The following ADGRL2 variants were observed in gnomAD, a reference collection of about 807,000 sequenced individuals.
The protein encoded by ADGRL2 is calcium-independent alpha-latrotoxin receptor 2.
Under a neutral mutation model 157.4 loss-of-function variants are expected in ADGRL2, and 44 were observed. The ratio of observed to expected loss-of-function variants is 0.28; its 90% CI spans 0.22 to 0.36. ADGRL2 has a LOEUF of 0.36. ADGRL2 is among the 10% of genes least tolerant of loss of function. The pLI is 1.00. For missense variants in ADGRL2, 1,510 were observed against 1,768.9 expected (o/e 0.85, Z 2.63); for synonymous variants, 585 against 624.7 (o/e 0.94, Z 0.95).
rs2078853397 is a variant in ADGRL2 at position 81,501,744 on chromosome 1, C to T, written c.-248+56655C>T. 5.0e-6 allele frequency: 8 copies of T among 1,610,540 alleles called. No individual in the cohort carries two copies. The Admixed American group carries it at 5.0e-5, about 10-fold the overall frequency. ...TGTGCCCAGGTTCAGAGTCATGCCA[C>T]TCTGTGGGTGAAGCTTGAGGCAAAA... is the stretch of plus-strand genomic sequence containing the variant. On this transcript the variant is annotated intron_variant, in intron 2 of 24. Coordinates refer to the ADGRL2 transcript ENST00000370721.
At chr1:81,774,113 C>A (rs56017765) in intron 2 of ADGRL2, among the ~76,000 whole-genome samples, 1 of 151,992 alleles carries the variant, frequency 6.6e-6, no homozygotes, top group African/African-American at 2.4e-5. Flanking sequence ...GTTTAAGTCG[C>A]CCTGTCTGTG....
At chr1:81,850,947 A>C (rs777187510) in intron 2 of ADGRL2, among the ~76,000 whole-genome samples, 15 of 151,860 alleles carry the variant, frequency 9.9e-5, no homozygotes, top group South Asian at 4.1e-4. Context: ...ATTTTAAATG[A>C]TTGAGAAGCA....
chr1:81,465,326 A>G (rs2078030465), intron 2 of ADGRL2, among the ~76,000 whole-genome samples: 1 of 152,196 alleles, frequency 6.6e-6, no homozygotes, highest in African/African-American at 2.4e-5. Context: ...GAATTATATA[A>G]ATTAGATATC....
chr1:81,590,490 G>A (rs1434125124), intron 3 of ADGRL2, among the ~76,000 whole-genome samples: 1 of 151,966 alleles, frequency 6.6e-6, no homozygotes, highest in Non-Finnish European at 1.5e-5. Context: ...TGTGGCCCCT[G>A]TTAATCAGGA....
At chr1:81,798,788 G>T (rs1049877756), upstream of ADGRL2, among the ~76,000 whole-genome samples, 12 of 152,064 alleles carry the variant, frequency 7.9e-5, no homozygotes, top group African/African-American at 2.9e-4. Context: ...GCCAACATAT[G>T]GCCAGCTTAA....
intron 4 of ADGRL2, among the ~76,000 whole-genome samples, chr1:81,937,385 A>G (rs2095326064): frequency 6.6e-6 from 1 of 151,838 alleles, no homozygotes; most frequent in Admixed American, 6.6e-5. Context: ...AACCTTGCAC[A>G]TGGTTCTGTT....
intron 2 of ADGRL2, among the ~76,000 whole-genome samples, chr1:81,524,300 AG>A (rs1418406585): frequency 6.6e-6 from 1 of 152,200 alleles, no homozygotes; most frequent in African/African-American, 2.4e-5. Context: ...TGGGAGGTGG[AG>A]CTTGCAGTGA....
intron 1 of ADGRL2, among the ~76,000 whole-genome samples, chr1:81,723,710 G>A (rs190384539): frequency 2.2e-4 from 34 of 152,244 alleles, no homozygotes; most frequent in African/African-American, 7.7e-4. Context: ...CAGTATTTCA[G>A]TAGGACCTGG....
intron 2 of ADGRL2, among the ~76,000 whole-genome samples, chr1:81,531,816 T>C (rs1008709489): frequency 2.6e-5 from 4 of 152,178 alleles, no homozygotes; most frequent in Admixed American, 1.3e-4. Context: ...AACTCCAAGA[T>C]GAATTTATCA....
At chr1:81,355,147 C>CAT (rs1409669933) in intron 1 of ADGRL2, among the ~76,000 whole-genome samples, 1 of 152,060 alleles carries the variant, frequency 6.6e-6, no homozygotes, top group Non-Finnish European at 1.5e-5. Flanking sequence ...TGAAACTTGG[C>CAT]ATACTCCAGC....
At chr1:81,802,460 C>G (rs1176073936) in intron 1 of ADGRL2, among the ~76,000 whole-genome samples, 1 of 152,098 alleles carries the variant, frequency 6.6e-6, no homozygotes, top group Non-Finnish European at 1.5e-5. Flanking sequence ...CAGTCCGGTC[C>G]AGCCGGCTTC....
chr1:81,964,115 A>G (rs934456861), intron 11 of ADGRL2, among the ~76,000 whole-genome samples: 5 of 151,946 alleles, frequency 3.3e-5, no homozygotes, highest in Admixed American at 2.6e-4. Flanking sequence ...TGATCTTACT[A>G]CTTTTAATAA....
chr1:81,802,654 C>T (rs1483132230), intron 1 of ADGRL2, among the ~76,000 whole-genome samples: 1 of 151,998 alleles, frequency 6.6e-6, no homozygotes, highest in Non-Finnish European at 1.5e-5. Flanking sequence ...TGAAGCGCGT[C>T]CTCGGCGGAG....
intron 19 of ADGRL2, among the ~76,000 whole-genome samples, chr1:81,982,315 C>T (rs1262429805): frequency 1.3e-5 from 2 of 151,904 alleles, no homozygotes; most frequent in African/African-American, 4.8e-5. Flanking sequence ...AAAGGCATTA[C>T]AGTGATTCAC....
intron 1 of ADGRL2, chr1:81,722,207 G>A: frequency 2.7e-6 from 1 of 374,430 alleles, no homozygotes; most frequent in Non-Finnish European, 5.1e-6. Context: ...GCAGGAGAAT[G>A]GCATGAACCC....
intron 1 of ADGRL2, among the ~76,000 whole-genome samples, chr1:81,745,678 T>C (rs1394362448): frequency 6.6e-6 from 1 of 152,172 alleles, no homozygotes; most frequent in African/African-American, 2.4e-5. Context: ...TAAATATTAT[T>C]TATGGATTTA....
intron 2 of ADGRL2, among the ~76,000 whole-genome samples, chr1:81,780,987 G>C (rs994882545): frequency 6.6e-6 from 1 of 152,136 alleles, no homozygotes; most frequent in Non-Finnish European, 1.5e-5. Context: ...TTGTTAAAGG[G>C]TTAAATATTT....
At chr1:81,665,866 T>C (rs1297584581) in intron 3 of ADGRL2, among the ~76,000 whole-genome samples, 1 of 152,108 alleles carries the variant, frequency 6.6e-6, no homozygotes, top group African/African-American at 2.4e-5. Context: ...CTCTGGGTGG[T>C]TCCATGTAAT....
At chr1:81,350,528 T>C (rs552724431) in intron 1 of ADGRL2, among the ~76,000 whole-genome samples, 19 of 152,202 alleles carry the variant, frequency 1.2e-4, no homozygotes, top group African/African-American at 4.6e-4. Context: ...ACCAATGTAA[T>C]GACAACTGAT....
Sources: allele counts gnomAD v4.1 joint callset (sites outside exome capture counted in the v4.1 genomes callset), GRCh38; gene constraint gnomAD v4.1.1; transcripts MANE v1.5; gene names NCBI Gene and HGNC (gene_info 2026-07-23, HGNC 2026-07-21).